Variants in EIF3D observed in about 807,000 individuals in gnomAD.
EIF3D encodes the protein eIF3 p66.
Under a neutral mutation model 75.4 loss-of-function variants are expected in EIF3D, and 10 were observed. That is an observed-to-expected ratio of 0.13 (90% CI 0.08 to 0.22). EIF3D has a LOEUF of 0.22. Among genes scored for constraint, EIF3D ranks in the 10% least tolerant of loss-of-function variants. The pLI is 1.00. For missense variants in EIF3D, 394 were observed against 708.0 expected, an observed-to-expected ratio of 0.56 and a Z score of 5.03; for synonymous variants, 246 against 248.3, an observed-to-expected ratio of 0.99 and a Z score of 0.09.
At chr22:36,525,640 G>A (rs780563675) in intron 3 of EIF3D, 24 bp downstream of exon 3, 8 of 1,610,822 alleles carry the variant, frequency 5.0e-6, no homozygotes, top group South Asian at 4.4e-5. Flanking sequence ...CCTGATTGGG[G>A]CATTCAGTTG....
At chr22:36,517,487 C>G (rs767817805) in intron 9 of EIF3D, 56 bp from the exon 10 acceptor site, 3 of 1,556,314 alleles carry the variant, frequency 1.9e-6, no homozygotes, top group Non-Finnish European at 2.6e-6. Flanking sequence ...TGACAATGTG[C>G]GCAGCGCTGT....
At chr22:36,519,380 G>A (rs1193447258) in intron 8 of EIF3D, 25 bp downstream of exon 8, 9 of 1,613,670 alleles carry the variant, frequency 5.6e-6, no homozygotes, top group South Asian at 1.1e-5. Context: ...TAACAAGGGG[G>A]AGAGGGGCAG....
At chr22:36,519,055 G>T in intron 8 of EIF3D, 145 bp from the exon 9 acceptor site, 2 of 1,163,388 alleles carry the variant, frequency 1.7e-6, no homozygotes, top group Non-Finnish European at 2.4e-6. Flanking sequence ...ACTGCAGCCA[G>T]TGAGCCAGCA....
chr22:36,523,611 C>T (rs926123640), intron 5 of EIF3D, among the ~76,000 whole-genome samples: 3 of 152,134 alleles, frequency 2.0e-5, no homozygotes, highest in African/African-American at 7.2e-5. Flanking sequence ...CTAGAGTTGA[C>T]CCACAGCAGA....
At chr22:36,514,850 T>C (rs1358707846) in intron 12 of EIF3D, among the ~76,000 whole-genome samples, 2 of 152,222 alleles carry the variant, frequency 1.3e-5, no homozygotes, top group Non-Finnish European at 2.9e-5. Context: ...CATGTCAAAT[T>C]GTAAACTCCA....
At chr22:36,527,326 A>G (rs1052509966) in intron 1 of EIF3D, among the ~76,000 whole-genome samples, 2 of 152,346 alleles carry the variant, frequency 1.3e-5, no homozygotes, top group Non-Finnish European at 2.9e-5. Context: ...GAAATTGCCC[A>G]AAGTTGAAAT....
chr22:36,519,452 G>A lies in EIF3D; in HGVS notation c.664C>T (p.Arg222Cys). The change falls in exon 8 of 15, where the codon CGC becomes TGC. Residue 222 changes from arginine to cysteine, a missense_variant. Transcript: ENST00000216190. ...GTGGTGGTGACAGTGTGGAAGATGCGCTTGATGCTCCGCAGTGGCTTCTCA... is the reference window on the plus strand; with the variant it reads ...GTGGTGGTGACAGTGTGGAAGATGCACTTGATGCTCCGCAGTGGCTTCTCA... The part of the protein sequence containing the change: ...RSEKPLRSIK[R>C]IFHTVTTTDD... 3.1e-6 allele frequency: 5 copies of A among 1,614,182 alleles called. No homozygotes were observed. Among genetic ancestry groups the A allele is most frequent in the Non-Finnish European group, 4.2e-6 (5 of 1,180,040 alleles).
chr22:36,516,357 G>A, intron 12 of EIF3D, 121 bp downstream of exon 12: 1 of 1,258,960 alleles, frequency 7.9e-7, no homozygotes, highest in Non-Finnish European at 1.1e-6. Flanking sequence ...AAACATCCAG[G>A]TAGCTCTATA....
chr22:36,520,101 AC>A (rs1934488847), intron 7 of EIF3D, among the ~76,000 whole-genome samples: 1 of 152,116 alleles, frequency 6.6e-6, no homozygotes, highest in Non-Finnish European at 1.5e-5. Context: ...TCCTCAGGAT[AC>A]CAGGAAGTTA....
chr22:36,522,596 A>T (rs1262174086), intron 6 of EIF3D, among the ~76,000 whole-genome samples: 1 of 152,182 alleles, frequency 6.6e-6, no homozygotes, highest in Non-Finnish European at 1.5e-5. Flanking sequence ...TTTATGTAAA[A>T]TGTCTAGAAC....
At chr22:36,525,482 A>G (rs1390420028) in intron 3 of EIF3D, among the ~76,000 whole-genome samples, 182 bp downstream of exon 3, 1 of 152,134 alleles carries the variant, frequency 6.6e-6, no homozygotes, top group African/African-American at 2.4e-5. Context: ...TGAATGGTCT[A>G]AGTTTTGAGG....
chr22:36,518,847 T>C lies in EIF3D; in HGVS notation c.775A>G (p.Thr259Ala), dbSNP rs1400410055. 6.2e-7 allele frequency: 1 copy of C among 1,614,174 alleles called. No individual in the cohort carries two copies. Among genetic ancestry groups the C allele is most frequent in the South Asian group, 1.1e-5 (1 of 91,084 alleles). ...ATATCCCAGGAATACACTGAGCGGG[T>C]ACAGCTCATCAGCGTGGCCAGGATG... Reference protein sequence around the residue: ...DAILATLMSCTRSVYSWDIVV... With the variant: ...DAILATLMSCARSVYSWDIVV... The change falls in exon 9 of 15, where the codon ACC becomes GCC. Residue 259 changes from threonine (T) to alanine (A), a missense_variant. Physicochemically the swap from Thr to Ala is moderately conservative, Grantham distance 58 (BLOSUM62 0). Coordinates refer to ENST00000216190, the MANE Select transcript of EIF3D (RefSeq NM_003753.4).
intron 14 of EIF3D, 99 bp downstream of exon 14, chr22:36,511,404 C>A: frequency 6.5e-7 from 1 of 1,541,260 alleles, no homozygotes; most frequent in Non-Finnish European, 8.7e-7. Flanking sequence ...AGGGAATTCT[C>A]GAAGTTTTAT....
intron 6 of EIF3D, among the ~76,000 whole-genome samples, chr22:36,522,403 G>A (rs770442639): frequency 1.6e-4 from 25 of 152,104 alleles, no homozygotes; most frequent in Non-Finnish European, 3.2e-4. Context: ...CAAACCCCGA[G>A]TATATGGAGG....
intron 12 of EIF3D, 38 bp downstream of exon 12, chr22:36,516,440 A>C: frequency 6.2e-7 from 1 of 1,605,578 alleles, no homozygotes; most frequent in Non-Finnish European, 8.5e-7. Flanking sequence ...GAATAGAGAC[A>C]TGGTGTCACC....
intron 4 of EIF3D, 133 bp from the exon 5 acceptor site, chr22:36,524,113 C>A (rs1453043677): frequency 1.0e-5 from 9 of 888,360 alleles, no homozygotes; most frequent in Non-Finnish European, 1.6e-5. Flanking sequence ...TGTGCTTTCA[C>A]TCTACGGCAT....
At position 36,526,068 on chromosome 22, in the gene EIF3D, G is replaced by A; in HGVS notation, c.54C>T (p.Pro18=). ...VIQDNPSGWG[P]CAVPEQFRDM... is the part of the protein sequence containing the mutation. ...CCCGAAACTGCTCGGGAACCGCACAGGGACCCCAGCCTGAGGGGTTGTCCT... is the reference window on the plus strand; with the variant it reads ...CCCGAAACTGCTCGGGAACCGCACAAGGACCCCAGCCTGAGGGGTTGTCCT... The change falls in exon 2 of 15, where the codon CCC becomes CCT. Residue 18 remains proline, a synonymous_variant. Transcript: ENST00000216190. 2 of 1,613,616 alleles carry A rather than the reference G, an allele frequency of 1.2e-6. No individual in the cohort carries two copies. Among genetic ancestry groups the A allele is most frequent in the African/African-American group, 1.3e-5 (1 of 75,046 alleles).
rs1389489724 is a variant in EIF3D at position 36,529,133 on chromosome 22, T to C, written c.-68A>G. 5 of 395,984 alleles carry C rather than the reference T, an allele frequency of 1.3e-5. No individual in the cohort carries two copies. In the East Asian group the frequency reaches 1.4e-4, roughly 11 times the overall value. 24.5% of individuals were successfully genotyped at this position (395,984 alleles called of 1,614,324 possible). ...AGATGGTGCGTGCCGGGGACCGCGT[T>C]AGCAGCAGCACTCTTGAGAAACCAG... On this transcript the variant is annotated 5_prime_UTR_variant, in exon 1 of 15. Coordinates refer to ENST00000216190, the MANE Select transcript of EIF3D (RefSeq NM_003753.4).
At chr22:36,524,456 T>C (rs1163096340) in intron 4 of EIF3D, 140 bp downstream of exon 4, 6 of 1,224,116 alleles carry the variant, frequency 4.9e-6, no homozygotes, top group African/African-American at 1.5e-5. Flanking sequence ...CCACTTGTTA[T>C]GGAACGGTGA....
Sources: gnomAD v4.1 joint callset for allele counts (sites outside exome capture counted in the v4.1 genomes callset) on GRCh38, gnomAD v4.1.1 for gene constraint, MANE v1.5 for transcripts, NCBI Gene and HGNC (gene_info 2026-07-23, HGNC 2026-07-21) for gene names.